Variants in PAN3 observed in about 807,000 individuals in gnomAD.
PAN3 encodes the protein poly(A) specific ribonuclease subunit PAN3.
A neutral mutation model predicts 96.2 loss-of-function variants in PAN3; 19 were observed. The ratio of observed to expected loss-of-function variants is 0.20; its 90% CI spans 0.14 to 0.29. PAN3 has a LOEUF of 0.29. Ranked by LOEUF, PAN3 falls within the 10% of genes least tolerant of loss-of-function variation. PAN3 has a pLI of 1.00. For missense variants in PAN3, 882 were observed against 1,108.1 expected (o/e 0.80, Z 2.90); for synonymous variants, 433 against 406.6 (o/e 1.06, Z -0.78).
intron 4 of PAN3, among the ~76,000 whole-genome samples, chr13:28,193,863 AAG>A (rs1186251401): frequency 1.5e-4 from 23 of 151,980 alleles, no homozygotes; most frequent in Admixed American, 9.8e-4. Context: ...ACTGTGTCAA[AAG>A]TACATTTGAG....
chr13:28,191,981 C>G (rs1877324306), intron 4 of PAN3, among the ~76,000 whole-genome samples: 1 of 151,812 alleles, frequency 6.6e-6, no homozygotes, highest in Non-Finnish European at 1.5e-5. Context: ...AAACAGTGCT[C>G]TCATCTCTGC....
At chr13:28,273,659 A>ATTT (rs1886823851) in intron 14 of PAN3, among the ~76,000 whole-genome samples, 1 of 152,190 alleles carries the variant, frequency 6.6e-6, no homozygotes, top group African/African-American at 2.4e-5. Context: ...AACAAAACTA[A>ATTT]AGTAAATAGG....
At chr13:28,208,151 T>G (rs2138303926) in intron 5 of PAN3, among the ~76,000 whole-genome samples, 1 of 152,300 alleles carries the variant, frequency 6.6e-6, no homozygotes, top group African/African-American at 2.4e-5. Flanking sequence ...AATTTATGAT[T>G]AATATGGTAG....
intron 7 of PAN3, among the ~76,000 whole-genome samples, chr13:28,257,504 C>T (rs1357966818): frequency 6.6e-6 from 1 of 150,912 alleles, no homozygotes; most frequent in Non-Finnish European, 1.5e-5. Flanking sequence ...GAGCAGTGGG[C>T]GAGTAAGTGA....
At chr13:28,199,706 G>A (rs1439022171) in intron 5 of PAN3, among the ~76,000 whole-genome samples, 1 of 152,026 alleles carries the variant, frequency 6.6e-6, no homozygotes, top group South Asian at 2.1e-4. Flanking sequence ...TTTCTTGTGA[G>A]AGAAAAGTAA....
chr13:28,222,447 C>G (rs1881510021), intron 6 of PAN3, among the ~76,000 whole-genome samples: 2 of 152,210 alleles, frequency 1.3e-5, no homozygotes, highest in Non-Finnish European at 2.9e-5. Context: ...GAAATGTATT[C>G]TTGAATTCTA....
At chr13:28,179,650 G>A (rs2138129338) in intron 4 of PAN3, among the ~76,000 whole-genome samples, 1 of 151,020 alleles carries the variant, frequency 6.6e-6, no homozygotes, top group South Asian at 2.1e-4. Context: ...GCTGCAGTGA[G>A]CCAAGATCAT....
At chr13:28,197,380 G>A (rs779734585) in intron 5 of PAN3, 34 bp downstream of exon 5, 2 of 1,528,512 alleles carry the variant, frequency 1.3e-6, no homozygotes, top group Non-Finnish European at 8.9e-7. Flanking sequence ...TTTCTTGAAA[G>A]TGAATGTCTT....
At chr13:28,229,225 T>C in intron 6 of PAN3, among the ~76,000 whole-genome samples, 1 of 152,234 alleles carries the variant, frequency 6.6e-6, no homozygotes, top group East Asian at 1.9e-4. Context: ...ATTTGAGATA[T>C]TTTCTCATTT....
At chr13:28,281,257 C>A in intron 16 of PAN3, 58 bp from the exon 17 acceptor site, 1 of 1,440,862 alleles carries the variant, frequency 6.9e-7, no homozygotes, top group Non-Finnish European at 9.6e-7. Context: ...TAAATTTTGG[C>A]TTTTATGTTC....
intron 6 of PAN3, among the ~76,000 whole-genome samples, chr13:28,251,069 T>G (rs961295050): frequency 6.6e-6 from 1 of 152,204 alleles, no homozygotes; most frequent in East Asian, 1.9e-4. Context: ...ACTCTTTGAT[T>G]TATCTACTTT....
chr13:28,233,819 T>C (rs1882832760), intron 6 of PAN3, among the ~76,000 whole-genome samples: 1 of 152,234 alleles, frequency 6.6e-6, no homozygotes, highest in Non-Finnish European at 1.5e-5. Flanking sequence ...TTTCCCTTTG[T>C]ATTTCTGTAA....
At chr13:28,139,507 GGTGTGTTTGTGTGT>G (rs1322636348) in intron 1 of PAN3, among the ~76,000 whole-genome samples, 110 of 111,736 alleles carry the variant, frequency 9.8e-4, no homozygotes, top group Non-Finnish European at 5.3e-4. Flanking sequence ...AGTGGGGAGG[GGTGTGTTTGTGTGT>G]GTGTGTGTGT....
At chr13:28,162,994 A>G (rs1024067973) in intron 1 of PAN3, among the ~76,000 whole-genome samples, 5 of 152,000 alleles carry the variant, frequency 3.3e-5, no homozygotes, top group African/African-American at 1.2e-4. Flanking sequence ...AGTGGCTTAC[A>G]CCTGTAAACT....
chr13:28,141,462 C>CTTTTTTTTTTTTTTT (rs759736683), intron 1 of PAN3, among the ~76,000 whole-genome samples: 214 of 90,298 alleles, frequency 2.4e-3, no homozygotes, highest in Non-Finnish European at 3.3e-3. Flanking sequence ...TTCTTTTTTT[C>CTTTTTTTTTTTTTTT]TTTTTTTTTT....
In PAN3 at chr13:28,208,980, T is replaced by C. The variant is rs1477930269; in HGVS notation, c.853-11251T>C. On this transcript the variant is annotated intron_variant, in intron 5 of 18. Coordinates refer to ENST00000380958, the MANE Select transcript of PAN3 (RefSeq NM_175854.8). ...TGTGGGATTGGTTCTAGCAACAACC[T>C]CCTCACCACCCGCAGATACCAAAAT... Among the ~76,000 whole-genome samples, 6 of 152,198 alleles carry C rather than the reference T, an allele frequency of 3.9e-5. 1 individual carries two copies.
chr13:28,217,587 CAAAA>C (rs773189003), intron 5 of PAN3, among the ~76,000 whole-genome samples: 3 of 108,266 alleles, frequency 2.8e-5, no homozygotes, highest in African/African-American at 1.0e-4. Context: ...TCTCAAAAAA[CAAAA>C]AAAAAACAAA....
intron 14 of PAN3, chr13:28,272,383 C>T (rs993426476): frequency 1.6e-5 from 3 of 191,546 alleles, no homozygotes; most frequent in African/African-American, 7.0e-5. Context: ...CGTCTCGCCT[C>T]AGCCTCCCAT....
chr13:28,233,289 C>T (rs1332742691), intron 6 of PAN3, among the ~76,000 whole-genome samples: 1 of 143,712 alleles, frequency 7.0e-6, no homozygotes, highest in African/African-American at 2.6e-5. Flanking sequence ...TTTTTTCAGG[C>T]GGAGTCTCAC....
Sources: gnomAD v4.1 joint callset for allele counts (sites outside exome capture counted in the v4.1 genomes callset) on GRCh38, gnomAD v4.1.1 for gene constraint, MANE v1.5 for transcripts, NCBI Gene and HGNC (gene_info 2026-07-23, HGNC 2026-07-21) for gene names.